XRN1: variants seen among roughly 807,000 people sequenced by gnomAD.
XRN1 encodes strand-exchange protein 1 homolog.
A neutral mutation model predicts 222.3 loss-of-function variants in XRN1; 67 were observed. The observed-to-expected ratio is 0.30, with a 90% CI of 0.25 to 0.37. The LOEUF is 0.37. XRN1 is among the 10% of genes least tolerant of loss of function. The pLI, the probability that XRN1 is intolerant of heterozygous loss-of-function variation, is 1.00. For missense variants in XRN1, 1,707 were observed against 2,000.2 expected, an observed-to-expected ratio of 0.85 and a Z score of 2.80; for synonymous variants, 643 against 652.4, an observed-to-expected ratio of 0.99 and a Z score of 0.22.
At chr3:142,419,040 C>G (rs2068901039) in intron 10 of XRN1, among the ~76,000 whole-genome samples, 159 bp from the exon 11 acceptor site, 1 of 152,132 alleles carries the variant, frequency 6.6e-6, no homozygotes, top group African/African-American at 2.4e-5. Flanking sequence ...GATCTCAATC[C>G]TTTCTCTCCT....
intron 12 of XRN1, chr3:142,418,209 C>A (rs2068860185): frequency 3.6e-6 from 1 of 276,796 alleles, no homozygotes; most frequent in Non-Finnish European, 6.6e-6. Flanking sequence ...TTATGATGAA[C>A]CTTCTTATTG....
chr3:142,421,278 T>C (rs2069022005), intron 9 of XRN1, 125 bp from the exon 10 acceptor site: 3 of 1,015,322 alleles, frequency 3.0e-6, no homozygotes, highest in South Asian at 2.1e-5. Context: ...CTTTTATATA[T>C]ATGGGAGACC....
chr3:142,349,085 T>C (rs1397385417), intron 32 of XRN1, among the ~76,000 whole-genome samples: 2 of 152,094 alleles, frequency 1.3e-5, no homozygotes, highest in African/African-American at 4.8e-5. Context: ...CCCGAATAGC[T>C]GGGGCTATGG....
chr3:142,355,498 T>C lies in XRN1; in HGVS notation c.3673-2A>G. The stretch of plus-strand genomic sequence containing the variant: ...TTCATCATCATCTTTAGTAGGTACC[T>C]AGCAAAGTACAAACAATTTCTTGAG... On this transcript the variant is annotated splice_acceptor_variant, in intron 31 of 40. Coordinates refer to ENST00000392981, the MANE Select transcript of XRN1 (RefSeq NM_001282857.2). LOFTEE classifies it high-confidence loss of function. 6.5e-7 allele frequency: 1 copy of C among 1,547,236 alleles called. No individual in the cohort carries two copies. The highest frequency in any genetic ancestry group is 8.8e-7 in the Non-Finnish European group (1 of 1,133,666).
At chr3:142,368,612 A>C (rs1310565514) in intron 27 of XRN1, among the ~76,000 whole-genome samples, 1 of 152,240 alleles carries the variant, frequency 6.6e-6, no homozygotes, top group Admixed American at 6.5e-5. Flanking sequence ...ACATTTGTTA[A>C]CTGGAAAACT....
At chr3:142,366,832 A>T (rs2066827839) in intron 27 of XRN1, among the ~76,000 whole-genome samples, 1 of 152,206 alleles carries the variant, frequency 6.6e-6, no homozygotes, top group Non-Finnish European at 1.5e-5. Flanking sequence ...ATTAACAGGC[A>T]TTATTACACT....
At chr3:142,396,403 G>T (rs1056421029) in intron 20 of XRN1, among the ~76,000 whole-genome samples, 3 of 152,152 alleles carry the variant, frequency 2.0e-5, no homozygotes, top group African/African-American at 7.2e-5. Context: ...ACTATCTAAA[G>T]AAAGAGTTAT....
intron 32 of XRN1, 127 bp downstream of exon 32, chr3:142,355,271 ATTC>A: frequency 2.0e-6 from 1 of 503,220 alleles, no homozygotes. Context: ...GAAAAAGAAA[ATTC>A]ATGATCAAAA....
intron 22 of XRN1, among the ~76,000 whole-genome samples, chr3:142,381,864 C>T (rs542763297): frequency 2.6e-5 from 4 of 152,220 alleles, no homozygotes; most frequent in African/African-American, 9.6e-5. Context: ...CCATACCCAG[C>T]CAACATTGAC....
chr3:142,355,508 C>T lies in XRN1; in HGVS notation c.3673-12G>A, dbSNP rs757169920. ...TCTTTAGTAGGTACCTAGCAAAGTA[C>T]AAACAATTTCTTGAGAAAATGAAAT... On this transcript the variant is annotated splice_polypyrimidine_tract_variant and intron_variant, in intron 31 of 40. Transcript: ENST00000392981. 8.0e-6 allele frequency: 12 copies of T among 1,491,702 alleles called. No individual in the cohort carries two copies. The highest frequency in any genetic ancestry group is 6.3e-5 in the South Asian group (5 of 79,392). The allele number at this position is 1,491,702 out of a possible 1,614,324, so 92.4% of individuals were successfully genotyped here.
intron 18 of XRN1, among the ~76,000 whole-genome samples, chr3:142,401,015 T>A (rs1008852529): frequency 2.0e-5 from 3 of 152,078 alleles, no homozygotes; most frequent in Admixed American, 6.5e-5. Flanking sequence ...ATTCTAATTA[T>A]CTTCCTTATT....
intron 15 of XRN1, 152 bp from the exon 16 acceptor site, chr3:142,405,228 T>G (rs1007460076): frequency 8.7e-6 from 6 of 688,786 alleles, no homozygotes; most frequent in Non-Finnish European, 1.4e-5. Flanking sequence ...CTCTTCCATT[T>G]TATTGCATGA....
chr3:142,394,116 C>A (rs546219728), intron 20 of XRN1, among the ~76,000 whole-genome samples: 2 of 152,112 alleles, frequency 1.3e-5, no homozygotes. Flanking sequence ...CATGAGCCAC[C>A]GTGCCTGGCC....
intron 22 of XRN1, among the ~76,000 whole-genome samples, chr3:142,381,782 G>A (rs1200561968): frequency 6.6e-6 from 1 of 151,774 alleles, no homozygotes; most frequent in Non-Finnish European, 1.5e-5. Flanking sequence ...GGCCAGCCTG[G>A]TCTCGAACTC....
intron 37 of XRN1, among the ~76,000 whole-genome samples, chr3:142,324,073 GGTTTTTTTTCA>G (rs939772562): frequency 1.3e-4 from 19 of 149,966 alleles, no homozygotes; most frequent in African/African-American, 4.4e-4. Flanking sequence ...TATATTATTG[GGTTTTTTTTCA>G]GTTTTTTTTT....
chr3:142,408,274 T>C lies in XRN1; in HGVS notation c.1714-3198A>G, dbSNP rs372173863. ...TAATGCACATAGGCCTGGGGCCCAT[T>C]TGGGGCATTGTGGGGAACCTGCCAT... On this transcript the variant is annotated intron_variant, in intron 15 of 40. Coordinates refer to ENST00000392981, the MANE Select transcript of XRN1 (RefSeq NM_001282857.2). 2.6e-5 allele frequency among the ~76,000 whole-genome samples: 4 copies of C among 152,298 alleles called. No individual in the cohort carries two copies. In the East Asian group the frequency reaches 5.8e-4, roughly 22 times the overall value.
At chr3:142,395,834 A>G (rs1361986272) in intron 20 of XRN1, among the ~76,000 whole-genome samples, 1 of 152,136 alleles carries the variant, frequency 6.6e-6, no homozygotes, top group Non-Finnish European at 1.5e-5. Context: ...TCCTCAATAC[A>G]CACTGCTTTT....
intron 20 of XRN1, among the ~76,000 whole-genome samples, chr3:142,392,596 T>C (rs568753496): frequency 7.3e-5 from 11 of 151,664 alleles, no homozygotes; most frequent in African/African-American, 2.4e-4. Context: ...GTTCTTGCGA[T>C]AGTTTACTGA....
At chr3:142,400,584 A>T (rs1237157958) in intron 18 of XRN1, 37 bp from the exon 19 acceptor site, 9 of 1,547,818 alleles carry the variant, frequency 5.8e-6, no homozygotes, top group Non-Finnish European at 7.9e-6. Context: ...TCATGATTTC[A>T]GGTCTAAGAG....
Sources: gnomAD v4.1 joint callset for allele counts (sites outside exome capture counted in the v4.1 genomes callset) on GRCh38, gnomAD v4.1.1 for gene constraint, MANE v1.5 for transcripts, NCBI Gene and HGNC (gene_info 2026-07-23, HGNC 2026-07-21) for gene names.